The following TRPM5 variants were observed in gnomAD, a reference collection of about 807,000 sequenced individuals.
TRPM5 encodes the protein transient receptor potential cation channel subfamily M member 5, also known as MLSN1 and TRP-related.
TRPM5 carries 121 observed loss-of-function variants against 124.9 expected under a neutral mutation model. The ratio of observed to expected loss-of-function variants is 0.97; its 90% CI spans 0.84 to 1.13. The LOEUF is 1.13. Among genes scored for constraint, TRPM5 ranks in the 50% most tolerant of loss-of-function variants. The probability of loss-of-function intolerance (pLI) is 0.00; values close to 1 mark genes in which losing one functional copy is unlikely to be tolerated. For missense variants in TRPM5, 1,643 were observed against 1,589.1 expected (o/e 1.03, Z -0.58); for synonymous variants, 781 against 700.5 (o/e 1.11, Z -1.81).
intron 11 of TRPM5, 96 bp downstream of exon 16, chr11:2,414,619 A>G: frequency 7.0e-7 from 1 of 1,418,754 alleles, no homozygotes; most frequent in African/African-American, 1.4e-5. Flanking sequence ...CCACGGCGGT[A>G]ACAGGCAGCC....
chr11:2,411,284 T>G, intron 18 of TRPM5, 68 bp downstream of exon 23: 1 of 1,459,876 alleles, frequency 6.8e-7, no homozygotes, highest in Non-Finnish European at 9.1e-7. Flanking sequence ...GAGAGCCTCA[T>G]GCCCAGGGCT....
upstream of TRPM5, among the ~76,000 whole-genome samples, chr11:2,427,524 C>T (rs1033379891): frequency 6.6e-6 from 1 of 152,250 alleles, no homozygotes; most frequent in Non-Finnish European, 1.5e-5. Context: ...CACCACCTCA[C>T]CTGCTCCACA....
chr11:2,425,822 C>T (rs950234976), upstream of TRPM5, among the ~76,000 whole-genome samples: 35 of 152,156 alleles, frequency 2.3e-4, no homozygotes, highest in African/African-American at 8.0e-4. Flanking sequence ...GCCTGGGGGA[C>T]GGGACTGGGC....
At chr11:2,417,950 G>A in intron 6 of TRPM5, 121 bp from the exon 12 acceptor site, 1 of 1,048,286 alleles carries the variant, frequency 9.5e-7, no homozygotes, top group Non-Finnish European at 1.4e-6. Flanking sequence ...CAGCCTGCAT[G>A]CCCACCGCCC....
At chr11:2,429,027 G>C in the TRPM5 span, among the ~76,000 whole-genome samples, 14,643 of 151,418 alleles carry the variant, frequency 0.097, 857 homozygotes, top group South Asian at 0.22. This position sits in a 1 kb window ranked among gnomAD's most constrained non-coding sequence, Gnocchi z 8.4. Flanking sequence ...TGATTGTGGT[G>C]GTGATGGTGA....
chr11:2,410,415 T>C (rs566247043), intron 18 of TRPM5, among the ~76,000 whole-genome samples: 18 of 64,110 alleles, frequency 2.8e-4, no homozygotes, highest in African/African-American at 9.2e-4. Context: ...CCCAGCCGCC[T>C]GACACCGCCT....
intron 8 of TRPM5, 137 bp from the exon 14 acceptor site, chr11:2,415,608 C>T (rs1474748024): frequency 8.9e-6 from 6 of 676,226 alleles, no homozygotes; most frequent in Non-Finnish European, 1.5e-5. Flanking sequence ...CTCTCGCTCT[C>T]CTGCACCCCA....
chr11:2,410,428 G>C (rs1032961930), intron 18 of TRPM5, among the ~76,000 whole-genome samples: 1 of 38,974 alleles, frequency 2.6e-5, no homozygotes, highest in Non-Finnish European at 6.3e-5. Flanking sequence ...CACCGCCTGA[G>C]CAGTTTCCCT....
chr11:2,411,131 C>T (rs1472771655), intron 18 of TRPM5, among the ~76,000 whole-genome samples: 3 of 152,142 alleles, frequency 2.0e-5, no homozygotes, highest in Non-Finnish European at 4.4e-5. Context: ...GGTCCCAGGT[C>T]GGGGCTCCGT....
At chr11:2,408,858 C>T (rs553094811) in intron 18 of TRPM5, among the ~76,000 whole-genome samples, 83 of 152,342 alleles carry the variant, frequency 5.4e-4, no homozygotes, top group Middle Eastern at 3.4e-3. Flanking sequence ...CCAGCCTGCA[C>T]GCTGGCGTGT....
intron 8 of TRPM5, 150 bp downstream of exon 13, chr11:2,415,756 G>A (rs1324583718): frequency 3.0e-6 from 2 of 661,614 alleles, no homozygotes; most frequent in South Asian, 1.9e-5. Flanking sequence ...CAGAAGCCCG[G>A]GCAGAACCGT....
At chr11:2,441,249 G>C in the TRPM5 span, among the ~76,000 whole-genome samples, 324 of 152,320 alleles carry the variant, frequency 2.1e-3, 2 homozygotes, top group African/African-American at 7.4e-3. The surrounding 1 kb of genome is among the most constrained non-coding windows in gnomAD (Gnocchi z 7.2). Context: ...CCTGGAGAGA[G>C]CAGGTGGCAG....
chr11:2,415,105 C>G lies in TRPM5; in HGVS notation c.1479+16G>C, dbSNP rs748890702. ...GCCCCAGCCTCGCCCTCCATCCCCA[C>G]GGAGCCCCCGCTCACCGCCCTCCTG... On this transcript the variant is annotated intron_variant, in intron 9 of 23. Transcript: ENST00000155858. 2 of 1,573,792 alleles carry G rather than the reference C, an allele frequency of 1.3e-6. No homozygotes were observed. The highest frequency in any genetic ancestry group is 1.7e-4 in the Middle Eastern group (1 of 5,906).
upstream of TRPM5, among the ~76,000 whole-genome samples, chr11:2,424,808 T>C (rs1353986379): frequency 6.6e-6 from 1 of 152,230 alleles, no homozygotes; most frequent in Non-Finnish European, 1.5e-5. Flanking sequence ...CTGGTTGTCT[T>C]GGCTGCCCAG....
exon 16 of TRPM5, chr11:2,412,146 ACCC>A: frequency 1.2e-6 from 2 of 1,613,194 alleles, no homozygotes; most frequent in South Asian, 1.1e-5. Context: ...TGCAGGTGAC[ACCC>A]ACGATGAACA....
chr11:2,421,801 A>T (rs1249401655), intron 2 of TRPM5, among the ~76,000 whole-genome samples: 1 of 152,096 alleles, frequency 6.6e-6, no homozygotes, highest in Non-Finnish European at 1.5e-5. Context: ...GGGACATCTC[A>T]TGGCGGCCCA....
the TRPM5 span, among the ~76,000 whole-genome samples, chr11:2,429,415 GTGA>G: frequency 3.3e-5 from 5 of 151,802 alleles, no homozygotes; most frequent in South Asian, 6.3e-4. This position sits in a 1 kb window ranked among gnomAD's most constrained non-coding sequence, Gnocchi z 8.4. Flanking sequence ...TATTGTGGCG[GTGA>G]TGATGATAGT....
Position 2,417,704 on chromosome 11 carries a change from TTGCCCACCC to T in TRPM5, c.1009+14_1009+22del. The T allele has an allele frequency of 2.4e-6, 3 of 1,247,194 alleles. No homozygotes were observed. Among genetic ancestry groups the T allele is most frequent in the Non-Finnish European group, 3.5e-6 (3 of 864,246 alleles). 77.3% of individuals were successfully genotyped at this position (1,247,194 alleles called of 1,614,324 possible). On this transcript the variant is annotated intron_variant, in intron 7 of 23. Transcript: ENST00000155858. Reference sequence around the variant, plus strand: ...ATGAAGCCCCCCAATGGCGCCTGCCTTGCCCACCCTGCCCGCCCTCACCTTTCACCAGCG... The same window carrying T: ...ATGAAGCCCCCCAATGGCGCCTGCCTTGCCCGCCCTCACCTTTCACCAGCG...
chr11:2,420,385 G>A, exon 4 of TRPM5: 2 of 1,611,332 alleles, frequency 1.2e-6, no homozygotes, highest in East Asian at 2.2e-5. Context: ...CATCCTCAGG[G>A]TAGTGGACAG....
Sources: allele counts gnomAD v4.1 joint callset (sites outside exome capture counted in the v4.1 genomes callset), GRCh38; gene constraint gnomAD v4.1.1; non-coding constraint Gnocchi (gnomAD v3.1); transcripts MANE v1.5; gene names NCBI Gene and HGNC (gene_info 2026-07-23, HGNC 2026-07-21).